The following USP25 variants were observed in gnomAD, a reference collection of about 807,000 sequenced individuals.
USP25 encodes the protein ubiquitin carboxyl-terminal hydrolase 25.
USP25 carries 85 observed loss-of-function variants against 158.5 expected under a neutral mutation model. The observed-to-expected ratio is 0.54, with a 90% CI of 0.45 to 0.64. The LOEUF (loss-of-function observed/expected upper bound fraction) is 0.64, where lower values mean the gene tolerates loss of function less well. USP25 is among the 30% of genes least tolerant of loss of function. The probability of loss-of-function intolerance (pLI) is 0.00; values close to 1 mark genes in which losing one functional copy is unlikely to be tolerated. For missense variants in USP25, 1,242 were observed against 1,327.3 expected (o/e 0.94, Z 1.00); for synonymous variants, 464 against 460.4 (o/e 1.01, Z -0.10).
At chr21:15,838,762 A>T (rs1376007550) in intron 17 of USP25, among the ~76,000 whole-genome samples, 1 of 152,186 alleles carries the variant, frequency 6.6e-6, no homozygotes, top group African/African-American at 2.4e-5. Context: ...AAGATATCAG[A>T]GATGTTGGTC....
At chr21:15,878,078 A>T in intron 25 of USP25, 87 bp downstream of exon 25, 1 of 1,133,778 alleles carries the variant, frequency 8.8e-7, no homozygotes. Flanking sequence ...GCCATTTTTT[A>T]TATTAAATAC....
At chr21:15,819,970 C>T (rs184470893) in intron 10 of USP25, among the ~76,000 whole-genome samples, 73 of 152,084 alleles carry the variant, frequency 4.8e-4, no homozygotes, top group Non-Finnish European at 8.4e-4. Context: ...CAGTGATTCT[C>T]AATAGAGAAT....
chr21:15,799,732 A>G, intron 5 of USP25, 25 bp from the exon 6 acceptor site: 3 of 1,518,034 alleles, frequency 2.0e-6, no homozygotes, highest in Non-Finnish European at 2.7e-6. Context: ...CCCTCAGGTT[A>G]TGTTAAATTG....
At position 15,743,275 on chromosome 21, in the gene USP25, C is replaced by T. The variant is rs142276200; in HGVS notation, c.45+12837C>T. Among the ~76,000 whole-genome samples the T allele has an allele frequency of 2.5e-3, 386 of 152,348 alleles. 3 individuals carry two copies. Among genetic ancestry groups the T allele is most frequent in the African/African-American group, 8.7e-3 (363 of 41,578 alleles). ...CTCTTTTCATGCCCACTGCCCACAG[C>T]TCCAGGAGCCAGCCAGGTGCGTGTT... On this transcript the variant is annotated intron_variant, in intron 1 of 25. Coordinates refer to ENST00000400183, the MANE Select transcript of USP25 (RefSeq NM_001283041.3).
chr21:15,814,359 A>G (rs2036827840), intron 9 of USP25, among the ~76,000 whole-genome samples: 1 of 147,226 alleles, frequency 6.8e-6, no homozygotes, highest in Non-Finnish European at 1.5e-5. Context: ...CCGGTAGAGT[A>G]GGACGTTGGT....
intron 22 of USP25, among the ~76,000 whole-genome samples, chr21:15,868,666 T>G (rs768503923): frequency 4.6e-5 from 7 of 152,192 alleles, no homozygotes; most frequent in Non-Finnish European, 8.8e-5. Context: ...GTAAATAAAC[T>G]TTTATTGGAA....
At chr21:15,779,072 G>A (rs146201591) in intron 4 of USP25, among the ~76,000 whole-genome samples, 2 of 152,086 alleles carry the variant, frequency 1.3e-5, no homozygotes, top group African/African-American at 4.8e-5. Flanking sequence ...TTTTATCTTA[G>A]TGCGACTTTT....
At chr21:15,743,239 G>C (rs1462673004) in intron 1 of USP25, among the ~76,000 whole-genome samples, 2 of 152,370 alleles carry the variant, frequency 1.3e-5, no homozygotes, top group East Asian at 3.9e-4. Flanking sequence ...GCAATTGGGA[G>C]TGTGTAACAG....
intron 18 of USP25, among the ~76,000 whole-genome samples, chr21:15,844,588 G>A (rs558186980): frequency 5.9e-5 from 9 of 152,132 alleles, no homozygotes; most frequent in South Asian, 2.1e-4. Flanking sequence ...CCTGGAAAGC[G>A]TAGAATCATG....
chr21:15,746,975 T>A (rs556911258), intron 1 of USP25, among the ~76,000 whole-genome samples: 2 of 152,334 alleles, frequency 1.3e-5, no homozygotes, highest in South Asian at 4.1e-4. Flanking sequence ...CTTATTTTGT[T>A]AAAAATGTGT....
chr21:15,808,594 A>T (rs2036505918), intron 7 of USP25, among the ~76,000 whole-genome samples: 1 of 151,670 alleles, frequency 6.6e-6, no homozygotes, highest in South Asian at 2.1e-4. Flanking sequence ...GAAACCCAAT[A>T]ATTGATTATC....
intron 3 of USP25, among the ~76,000 whole-genome samples, chr21:15,770,155 A>G (rs762357245): frequency 5.9e-5 from 9 of 152,094 alleles, no homozygotes; most frequent in Non-Finnish European, 1.2e-4. Context: ...CTCTTATGCT[A>G]AACAGTTTAG....
intron 1 of USP25, among the ~76,000 whole-genome samples, chr21:15,739,032 G>C (rs1031052579): frequency 6.6e-6 from 1 of 152,164 alleles, no homozygotes; most frequent in Admixed American, 6.5e-5. Flanking sequence ...CGGGAGCTCG[G>C]CTCTTGAGAC....
At chr21:15,832,274 T>G (rs373738932) in intron 16 of USP25, among the ~76,000 whole-genome samples, 1 of 152,256 alleles carries the variant, frequency 6.6e-6, no homozygotes, top group African/African-American at 2.4e-5. Flanking sequence ...TTCTCTCTTA[T>G]CTGCTCAGAG....
At chr21:15,809,247 G>A (rs968772051) in intron 8 of USP25, among the ~76,000 whole-genome samples, 2 of 152,168 alleles carry the variant, frequency 1.3e-5, no homozygotes, top group Non-Finnish European at 2.9e-5. Context: ...ATGTGAGCAA[G>A]TGGCTCTGTT....
At chr21:15,864,655 AAATTTTAATT>A (rs1156253775) in intron 21 of USP25, among the ~76,000 whole-genome samples, 1 of 152,202 alleles carries the variant, frequency 6.6e-6, no homozygotes, top group Non-Finnish European at 1.5e-5. Flanking sequence ...TCATTTTAAT[AAATTTTAATT>A]GTGAATCAAG....
At chr21:15,738,709 C>T (rs2031753037) in intron 1 of USP25, among the ~76,000 whole-genome samples, 1 of 152,058 alleles carries the variant, frequency 6.6e-6, no homozygotes, top group Admixed American at 6.6e-5. Flanking sequence ...TTGTCTTATG[C>T]CCAATTTCTG....
At chr21:15,860,432 G>A (rs968427075) in intron 20 of USP25, among the ~76,000 whole-genome samples, 1 of 152,154 alleles carries the variant, frequency 6.6e-6, no homozygotes, top group Non-Finnish European at 1.5e-5. Context: ...TGGGATTACA[G>A]GTGTGAGCCA....
chr21:15,802,495 T>C (rs1435400055), intron 6 of USP25, among the ~76,000 whole-genome samples: 1 of 151,420 alleles, frequency 6.6e-6, no homozygotes, highest in Non-Finnish European at 1.5e-5. Flanking sequence ...CAGAAAGATA[T>C]ACAGAAAATC....
Sources: allele counts gnomAD v4.1 joint callset (sites outside exome capture counted in the v4.1 genomes callset), GRCh38; gene constraint gnomAD v4.1.1; transcripts MANE v1.5; gene names NCBI Gene and HGNC (gene_info 2026-07-23, HGNC 2026-07-21).